Variants in CACNA2D1 observed in about 807,000 individuals in gnomAD.
CACNA2D1 encodes the protein voltage-dependent calcium channel subunit alpha-2/delta-1.
In CACNA2D1, 53 loss-of-function variants were observed where a neutral mutation model predicts 171.5. That is an observed-to-expected ratio of 0.31 (90% confidence interval 0.25 to 0.39). The LOEUF (loss-of-function observed/expected upper bound fraction) is 0.39, where lower values mean the gene tolerates loss of function less well. Ranked by LOEUF, CACNA2D1 falls within the 10% of genes least tolerant of loss-of-function variation. The pLI is 1.00. For missense variants in CACNA2D1, 903 were observed against 1,299.8 expected (o/e 0.69, Z 4.69); for synonymous variants, 442 against 443.1 (o/e 1.00, Z 0.03).
intron 3 of CACNA2D1, among the ~76,000 whole-genome samples, chr7:82,323,992 A>C (rs892521333): frequency 6.6e-6 from 1 of 152,158 alleles, no homozygotes; most frequent in Non-Finnish European, 1.5e-5. Context: ...TCAAATACTC[A>C]TTTAGTGCTG....
At chr7:82,270,901 C>T (rs1430962125) in intron 3 of CACNA2D1, among the ~76,000 whole-genome samples, 1 of 152,062 alleles carries the variant, frequency 6.6e-6, no homozygotes, top group East Asian at 1.9e-4. Context: ...ACTGTATTTT[C>T]TCCATAATCA....
At chr7:82,068,022 CA>C (rs1161272567) in intron 7 of CACNA2D1, among the ~76,000 whole-genome samples, 1 of 152,114 alleles carries the variant, frequency 6.6e-6, no homozygotes, top group Non-Finnish European at 1.5e-5. Context: ...GCAAATGATG[CA>C]AGACAGACAC....
chr7:82,373,634 A>G (rs1822671708), intron 1 of CACNA2D1, among the ~76,000 whole-genome samples: 4 of 152,216 alleles, frequency 2.6e-5, no homozygotes, highest in Admixed American at 2.6e-4. Context: ...AATAAAAAAT[A>G]AAAATTATGC....
chr7:82,423,270 G>A (rs1828885828), intron 1 of CACNA2D1, among the ~76,000 whole-genome samples: 1 of 152,024 alleles, frequency 6.6e-6, no homozygotes, highest in Non-Finnish European at 1.5e-5. Context: ...CCCCAGGCAT[G>A]CATTAATGTT....
At chr7:82,049,907 CTTTTA>C (rs1804998068) in intron 10 of CACNA2D1, among the ~76,000 whole-genome samples, 1 of 152,130 alleles carries the variant, frequency 6.6e-6, no homozygotes, top group Non-Finnish European at 1.5e-5. Context: ...TGGCAAATAT[CTTTTA>C]TTTTCTTTGA....
chr7:82,242,974 A>T (rs1191540704), intron 3 of CACNA2D1, among the ~76,000 whole-genome samples: 1 of 152,120 alleles, frequency 6.6e-6, no homozygotes, highest in East Asian at 1.9e-4. Flanking sequence ...TAAAACCATA[A>T]ATCAGGCTGT....
In CACNA2D1 at chr7:82,111,422, ATG is replaced by A. The variant is rs1264458945; in HGVS notation, c.526+5620_526+5621del. Among the ~76,000 whole-genome samples, 106 of 71,626 alleles carry A rather than the reference ATG, an allele frequency of 1.5e-3. 1 individual carries two copies. Among genetic ancestry groups the A allele is most frequent in the African/African-American group, 5.4e-3 (103 of 19,018 alleles). 47.0% of individuals were successfully genotyped at this position (71,626 alleles called of 152,430 possible). A position where few individuals can be genotyped will look rare whatever the true frequency, so the allele number is the denominator to read the frequency against. On this transcript the variant is annotated intron_variant, in intron 6 of 38. Coordinates refer to ENST00000356860, the MANE Select transcript of CACNA2D1 (RefSeq NM_000722.4). ...TATATATATTCATATATGTGTATAT[ATG>A]TGTGTATATATATATATATATTTTT...
chr7:81,956,947 G>A (rs1274556664), intron 38 of CACNA2D1, among the ~76,000 whole-genome samples: 1 of 152,010 alleles, frequency 6.6e-6, no homozygotes, highest in East Asian at 1.9e-4. Context: ...ATAATTTTGG[G>A]CTAGATAATG....
intron 1 of CACNA2D1, among the ~76,000 whole-genome samples, chr7:82,385,366 T>A (rs3801680): frequency 3.3e-5 from 5 of 152,054 alleles, no homozygotes; most frequent in Admixed American, 1.3e-4. Flanking sequence ...TCCACCTCCA[T>A]CCTCTTTCCC....
chr7:81,959,010 T>C (rs1793777530), intron 38 of CACNA2D1, among the ~76,000 whole-genome samples: 1 of 152,012 alleles, frequency 6.6e-6, no homozygotes, highest in Admixed American at 6.6e-5. Flanking sequence ...ATAATTAACA[T>C]TTACTATGAG....
At chr7:82,287,950 C>T (rs933681588) in intron 3 of CACNA2D1, among the ~76,000 whole-genome samples, 2 of 151,736 alleles carry the variant, frequency 1.3e-5, no homozygotes, top group East Asian at 3.9e-4. Context: ...CCTGCCTCAG[C>T]CTCCCGAGTA....
At chr7:82,372,772 T>C (rs1364736320) in intron 1 of CACNA2D1, among the ~76,000 whole-genome samples, 1 of 152,174 alleles carries the variant, frequency 6.6e-6, no homozygotes, top group African/African-American at 2.4e-5. Flanking sequence ...TTGCAAAGAA[T>C]CTACAGCAAT....
intron 6 of CACNA2D1, among the ~76,000 whole-genome samples, chr7:82,114,391 C>T (rs2129051368): frequency 6.6e-6 from 1 of 152,172 alleles, no homozygotes; most frequent in East Asian, 1.9e-4. Flanking sequence ...TATAACCAAA[C>T]AATAACCTAT....
intron 24 of CACNA2D1, among the ~76,000 whole-genome samples, chr7:81,975,480 C>T (rs1206001845): frequency 6.6e-6 from 1 of 152,034 alleles, no homozygotes; most frequent in South Asian, 2.1e-4. Flanking sequence ...CTCACAGAGA[C>T]GAGAGGCTTG....
At chr7:82,383,618 G>A (rs900708553) in intron 1 of CACNA2D1, among the ~76,000 whole-genome samples, 12 of 152,166 alleles carry the variant, frequency 7.9e-5, no homozygotes, top group African/African-American at 2.7e-4. Context: ...ACACAGTTCC[G>A]TGAAATGCTG....
intron 18 of CACNA2D1, among the ~76,000 whole-genome samples, chr7:82,004,690 A>AT (rs1027966253): frequency 2.0e-5 from 3 of 152,190 alleles, no homozygotes; most frequent in Non-Finnish European, 2.9e-5. Context: ...AAGTATAACA[A>AT]TAACTAAAAG....
chr7:82,404,262 G>A (rs1307971865), intron 1 of CACNA2D1, among the ~76,000 whole-genome samples: 1 of 152,176 alleles, frequency 6.6e-6, no homozygotes, highest in Non-Finnish European at 1.5e-5. Flanking sequence ...TGGTTGCAAT[G>A]AGGACACAGA....
chr7:82,041,452 T>C (rs1803957162), intron 10 of CACNA2D1, among the ~76,000 whole-genome samples: 1 of 152,066 alleles, frequency 6.6e-6, no homozygotes, highest in African/African-American at 2.4e-5. Context: ...ATTTGTCTCC[T>C]TTAACAATGA....
rs80063198 is a variant in CACNA2D1, at chr7:82,084,895, T to C, written c.532A>G (p.Ile178Val). 3.3e-5 allele frequency: 54 copies of C among 1,612,598 alleles called. No homozygotes were observed. In the African/African-American group the frequency reaches 5.9e-4, roughly 18 times the overall value. Residue 178 changes from isoleucine (I) to valine (V), a missense_variant, in exon 7 of 39, where the codon ATT (isoleucine) becomes GTT (valine). Physicochemically the swap from Ile to Val is conservative, Grantham distance 29 (BLOSUM62 3). Coordinates refer to ENST00000356860, the MANE Select transcript of CACNA2D1 (RefSeq NM_000722.4). ...IPTDIYEGST[I>V]VLNELNWTSA... ...GTCCAGTTGAGTTCATTTAACACAA[T>C]TGTTGCTAACAAAAAAGAGAGAAAC...
Sources: gnomAD v4.1 joint callset for allele counts (sites outside exome capture counted in the v4.1 genomes callset) on GRCh38, gnomAD v4.1.1 for gene constraint, MANE v1.5 for transcripts, NCBI Gene and HGNC (gene_info 2026-07-23, HGNC 2026-07-21) for gene names.